MYBL2: variants seen among roughly 807,000 people sequenced by gnomAD.
MYBL2 encodes MYB proto-oncogene like 2, also known as myb-related protein B.
MYBL2 carries 28 observed loss-of-function variants against 79.9 expected under a neutral mutation model. That is an observed-to-expected ratio of 0.35 (90% CI 0.26 to 0.48). The LOEUF (loss-of-function observed/expected upper bound fraction) is 0.48. Among genes scored for constraint, MYBL2 ranks in the 20% least tolerant of loss-of-function variants. MYBL2 has a pLI of 0.99. For missense variants in MYBL2, 735 were observed against 893.9 expected, an observed-to-expected ratio of 0.82 and a Z score of 2.27; for synonymous variants, 378 against 361.2, an observed-to-expected ratio of 1.05 and a Z score of -0.53.
intron 4 of MYBL2, among the ~76,000 whole-genome samples, chr20:43,686,451 G>A (rs285186): frequency 0.9 from 137,132 of 152,166 alleles, 61,999 homozygotes; most frequent in African/African-American, 0.96. Flanking sequence ...GGGAAAGTCT[G>A]TTTCCCACCT....
intron 5 of MYBL2, among the ~76,000 whole-genome samples, chr20:43,687,899 C>T (rs1244578014): frequency 6.6e-6 from 1 of 151,288 alleles, no homozygotes; most frequent in African/African-American, 2.4e-5. Flanking sequence ...CCTGTAATCC[C>T]AGCTACTTGG....
intron 6 of MYBL2, among the ~76,000 whole-genome samples, chr20:43,695,544 T>C (rs1280480232): frequency 2.0e-5 from 3 of 152,148 alleles, no homozygotes; most frequent in African/African-American, 4.8e-5. Flanking sequence ...TGGACAAATA[T>C]ATTTGGTGGT....
rs575288999 is a variant in MYBL2, at chr20:43,685,324, G to A, written c.280-1528G>A. ...GCCTCCGGAGCAGCTGAGATTACAG[G>A]TGCATGCTACCACGCCTGGCTGATT... On this transcript the variant is annotated intron_variant, in intron 4 of 13. Coordinates refer to ENST00000217026, the MANE Select transcript of MYBL2 (RefSeq NM_002466.4). Among the ~76,000 whole-genome samples the A allele has an allele frequency of 1.3e-4, 20 of 151,652 alleles. No homozygotes were observed. In the South Asian group the frequency reaches 4.2e-3, roughly 32 times the overall value.
chr20:43,686,713 A>C, intron 4 of MYBL2, 139 bp from the exon 5 acceptor site: 2 of 777,374 alleles, frequency 2.6e-6, no homozygotes, highest in East Asian at 5.4e-5. Flanking sequence ...CATCCCCTGC[A>C]GCTCGCTCAG....
intron 6 of MYBL2, among the ~76,000 whole-genome samples, chr20:43,694,071 G>A (rs112699202): frequency 6.6e-6 from 1 of 151,532 alleles, no homozygotes; most frequent in Non-Finnish European, 1.5e-5. Context: ...GGTGGCTCAC[G>A]CCTGTAATTG....
At position 43,703,003 on chromosome 20, in the gene MYBL2, A is replaced by G. The variant is rs189327318; in HGVS notation, c.1365+100A>G. ...CAAAACGAGACCTGGCTCTGCCCTC[A>G]TGCAGCTTATGCTCTGGTAGGAAGA... On this transcript the variant is annotated intron_variant, in intron 8 of 13. Transcript: ENST00000217026. 1,131 of 1,281,510 alleles carry G rather than the reference A, an allele frequency of 8.8e-4. 1 individual carries two copies. The highest frequency in any genetic ancestry group is 2.2e-3 in the Admixed American group (93 of 42,286). The allele number at this position is 1,281,510 out of a possible 1,614,324, so 79.4% of individuals were successfully genotyped here. A position where few individuals can be genotyped will look rare whatever the true frequency, so the allele number is the denominator to read the frequency against.
intron 2 of MYBL2, among the ~76,000 whole-genome samples, chr20:43,679,219 T>C (rs1378337241): frequency 6.6e-6 from 1 of 152,214 alleles, no homozygotes; most frequent in Non-Finnish European, 1.5e-5. Flanking sequence ...CAGCCTGTGC[T>C]GGTTCTGGCC....
rs750982841 is a variant in MYBL2, at chr20:43,673,853, C to T, written c.68C>T (p.Pro23Leu). Residue 23 changes from proline to leucine, a missense_variant, in exon 2 of 14, where the codon CCG becomes CTG. By Grantham distance (98) the Pro-to-Leu change is moderately conservative (BLOSUM62 -3). Around this residue, in one of 5 missense-constraint regions of MYBL2, gnomAD observed 79 missense variants for 86.7 expected, o/e 0.91. Coordinates refer to ENST00000217026, the MANE Select transcript of MYBL2 (RefSeq NM_002466.4). The part of the protein sequence containing the change: ...LHYQDTDSDV[P>L]EQRDSKCKVK... The stretch of plus-strand genomic sequence containing the variant: ...TACCAGGACACAGATTCAGATGTGC[C>T]GGAGCAGAGGGATAGCAAGTGCAAG... The T allele has an allele frequency of 3.5e-5, 55 of 1,557,564 alleles. No individual in the cohort carries two copies. The highest frequency in any genetic ancestry group is 1.7e-4 in the Middle Eastern group (1 of 6,026).
chr20:43,711,249 A>G (rs952184567), intron 10 of MYBL2, among the ~76,000 whole-genome samples: 2 of 152,214 alleles, frequency 1.3e-5, no homozygotes, highest in African/African-American at 2.4e-5. Context: ...TGAGGGTTAC[A>G]GTGCGTCTCT....
chr20:43,692,007 T>A (rs1296419626), intron 5 of MYBL2, 150 bp from the exon 6 acceptor site: 1 of 664,474 alleles, frequency 1.5e-6, no homozygotes, highest in African/African-American at 1.8e-5. Context: ...CTTGTGAGAC[T>A]TCATCTTGGA....
At position 43,716,044 on chromosome 20, in the gene MYBL2, G is replaced by A. The variant is rs371681520; in HGVS notation, c.2060G>A (p.Arg687His). The A allele has an allele frequency of 2.0e-5, 33 of 1,610,516 alleles. No individual in the cohort carries two copies. Among genetic ancestry groups the A allele is most frequent in the African/African-American group, 5.3e-5 (4 of 74,888 alleles). Residue 687 changes from arginine (R) to histidine (H), a missense_variant, in exon 14 of 14, where the codon CGC (arginine) becomes CAC (histidine). Transcript: ENST00000217026. The stretch of plus-strand genomic sequence containing the variant: ...GAGAAAGCCCGGCAGCTCCTGGGCC[G>A]CCTGAAGCCCAGCCACACATCTCGG... ...MQEKARQLLGRLKPSHTSRTL... is the reference protein window; with the variant it reads ...MQEKARQLLGHLKPSHTSRTL...
intron 7 of MYBL2, among the ~76,000 whole-genome samples, chr20:43,701,937 G>A (rs754821809): frequency 2.6e-5 from 4 of 152,086 alleles, no homozygotes; most frequent in South Asian, 2.1e-4. Context: ...AGGCCAAGGT[G>A]GTCAGATCAC....
At chr20:43,673,765 T>C (rs1371281868) in intron 1 of MYBL2, 41 bp from the exon 2 acceptor site, 5 of 1,567,456 alleles carry the variant, frequency 3.2e-6, no homozygotes, top group Non-Finnish European at 4.4e-6. Flanking sequence ...GTAAAACATA[T>C]GGACACACCA....
chr20:43,683,664 G>C (rs376532), intron 4 of MYBL2, among the ~76,000 whole-genome samples: 128,533 of 150,750 alleles, frequency 0.85, 54,927 homozygotes, highest in Non-Finnish European at 0.88. Context: ...AGCGATTCTC[G>C]TGTCTTAGCC....
intron 9 of MYBL2, 85 bp from the exon 10 acceptor site, chr20:43,709,878 C>A (rs968573301): frequency 1.4e-5 from 16 of 1,147,158 alleles, no homozygotes; most frequent in African/African-American, 3.1e-5. Flanking sequence ...AAAGGTCGCA[C>A]TGGGGGAAGG....
chr20:43,707,881 A>T (rs1987826059), intron 9 of MYBL2, among the ~76,000 whole-genome samples: 1 of 151,988 alleles, frequency 6.6e-6, no homozygotes, highest in South Asian at 2.1e-4. Flanking sequence ...GAATTCCTTC[A>T]TATATAGGCT....
intron 10 of MYBL2, among the ~76,000 whole-genome samples, chr20:43,710,982 G>A (rs536111826): frequency 2.7e-4 from 41 of 152,240 alleles, no homozygotes; most frequent in Non-Finnish European, 1.0e-4. Context: ...GCTGTGATTC[G>A]CACCTTTCAC....
chr20:43,673,756 T>G, intron 1 of MYBL2, 50 bp from the exon 2 acceptor site: 1 of 1,559,690 alleles, frequency 6.4e-7, no homozygotes, highest in Non-Finnish European at 8.8e-7. Context: ...CTCCATTATG[T>G]AAAACATATG....
chr20:43,703,186 T>A (rs1987711030), intron 8 of MYBL2, among the ~76,000 whole-genome samples: 1 of 152,184 alleles, frequency 6.6e-6, no homozygotes, highest in Non-Finnish European at 1.5e-5. Flanking sequence ...GGAAGAGAAC[T>A]GTCGTGTTTG....
Sources: gnomAD v4.1 joint callset for allele counts (sites outside exome capture counted in the v4.1 genomes callset) on GRCh38, gnomAD v4.1.1 for gene constraint, gnomAD v4.1.1 regional missense constraint, MANE v1.5 for transcripts, NCBI Gene and HGNC (gene_info 2026-07-23, HGNC 2026-07-21) for gene names.